SYN2: variants seen among roughly 807,000 people sequenced by gnomAD.
SYN2 encodes the protein synapsin II.
SYN2 carries 19 observed loss-of-function variants against 50.9 expected under a neutral mutation model. That is an observed-to-expected ratio of 0.37 (90% confidence interval 0.26 to 0.55). The LOEUF is 0.55. Ranked by LOEUF, SYN2 falls within the 20% of genes least tolerant of loss-of-function variation. The pLI is 0.81. For missense variants in SYN2, 587 were observed against 576.4 expected (o/e 1.02, Z -0.19); for synonymous variants, 255 against 224.9 (o/e 1.13, Z -1.20).
chr3:12,146,452 G>T (rs548319145), intron 4 of SYN2, among the ~76,000 whole-genome samples: 9 of 152,214 alleles, frequency 5.9e-5, no homozygotes, highest in African/African-American at 2.2e-4. Flanking sequence ...GGAAAGTAAG[G>T]TGTAGAAAAC....
intron 1 of SYN2, among the ~76,000 whole-genome samples, chr3:12,023,252 A>G (rs1465932292): frequency 1.3e-5 from 2 of 152,186 alleles, no homozygotes; most frequent in African/African-American, 4.8e-5. Flanking sequence ...TAGGGAATAC[A>G]GGGATAAAAT....
At chr3:12,037,527 T>C (rs1267052724) in intron 1 of SYN2, among the ~76,000 whole-genome samples, 1 of 152,162 alleles carries the variant, frequency 6.6e-6, no homozygotes, top group African/African-American at 2.4e-5. Context: ...CATCATAACA[T>C]GGAGTAAAAC....
intron 12 of SYN2, among the ~76,000 whole-genome samples, chr3:12,190,273 T>G (rs539197677): frequency 6.6e-6 from 1 of 152,318 alleles, no homozygotes; most frequent in East Asian, 1.9e-4. Context: ...TCCCACACTG[T>G]CCCCACCCTT....
At chr3:12,102,307 AATAAATATT>A (rs1223216191) in intron 1 of SYN2, among the ~76,000 whole-genome samples, 14 of 152,192 alleles carry the variant, frequency 9.2e-5, no homozygotes, top group Admixed American at 7.9e-4. Flanking sequence ...TCTTAAGAAT[AATAAATATT>A]ATTCAGATAT....
chr3:12,094,641 T>C (rs1027298417), intron 1 of SYN2, among the ~76,000 whole-genome samples: 3 of 152,210 alleles, frequency 2.0e-5, no homozygotes, highest in Admixed American at 6.5e-5. Flanking sequence ...TCTGTTGGGT[T>C]CTTGTGAACC....
At chr3:12,021,339 A>G (rs1429262802) in intron 1 of SYN2, among the ~76,000 whole-genome samples, 3 of 152,334 alleles carry the variant, frequency 2.0e-5, no homozygotes, top group East Asian at 1.9e-4. Context: ...TTTGCAGTCT[A>G]TCAACCATTT....
At chr3:12,063,404 A>G (rs1212449581) in intron 1 of SYN2, among the ~76,000 whole-genome samples, 2 of 152,012 alleles carry the variant, frequency 1.3e-5, no homozygotes, top group Admixed American at 1.3e-4. Flanking sequence ...AAACGTAAGA[A>G]CTGTAGTTGA....
chr3:12,161,866 G>C, intron 6 of SYN2, 146 bp from the exon 7 acceptor site: 1 of 1,214,968 alleles, frequency 8.2e-7, no homozygotes, highest in South Asian at 1.6e-5. Flanking sequence ...CTAGGGAGAA[G>C]GGGCCTCCTG....
chr3:12,150,146 T>C (rs1184238991), intron 4 of SYN2, among the ~76,000 whole-genome samples: 2 of 152,222 alleles, frequency 1.3e-5, no homozygotes, highest in Non-Finnish European at 2.9e-5. Context: ...TGTTCTAGCC[T>C]TCCTTTCTCT....
intron 1 of SYN2, among the ~76,000 whole-genome samples, chr3:12,081,105 T>G (rs986522104): frequency 6.6e-6 from 1 of 152,212 alleles, no homozygotes; most frequent in Non-Finnish European, 1.5e-5. Context: ...AACAACAATG[T>G]TTAGTCAAAG....
intron 1 of SYN2, among the ~76,000 whole-genome samples, chr3:12,011,851 A>C (rs2125130829): frequency 6.6e-6 from 1 of 152,380 alleles, no homozygotes; most frequent in East Asian, 1.9e-4. Context: ...TGGAGATAAC[A>C]TTATGTATTT....
intron 1 of SYN2, among the ~76,000 whole-genome samples, chr3:12,043,320 G>A (rs999296270): frequency 2.6e-4 from 39 of 152,210 alleles, no homozygotes; most frequent in Admixed American, 1.8e-3. Flanking sequence ...AACTACTGGT[G>A]CCCAGCTGCT....
At position 12,168,503 on chromosome 3, in the gene SYN2, G is replaced by A. The variant is rs776438037; in HGVS notation, c.1158+25G>A. 4 of 1,594,292 alleles carry A rather than the reference G, an allele frequency of 2.5e-6. No individual in the cohort carries two copies. In the Admixed American group the frequency reaches 6.7e-5, roughly 27 times the overall value. ...GGTAAGTCTGGACCAAGCAGTAAGAGGTAACTCCTAAGGCTTAAGAACTAT... is the reference window on the plus strand; with the variant it reads ...GGTAAGTCTGGACCAAGCAGTAAGAAGTAACTCCTAAGGCTTAAGAACTAT... On this transcript the variant is annotated intron_variant, in intron 9 of 12. Transcript: ENST00000621198.
intron 1 of SYN2, among the ~76,000 whole-genome samples, chr3:12,106,212 A>G (rs931794500): frequency 3.3e-5 from 5 of 152,112 alleles, no homozygotes; most frequent in Non-Finnish European, 5.9e-5. Flanking sequence ...GGCCTTCTCA[A>G]TCTTTAACCC....
intron 1 of SYN2, among the ~76,000 whole-genome samples, chr3:12,065,314 A>C (rs1407213592): frequency 6.6e-6 from 1 of 152,174 alleles, no homozygotes; most frequent in East Asian, 1.9e-4. Flanking sequence ...AAAGAACTTA[A>C]AACAGAACTA....
At chr3:12,096,543 A>AT (rs1056029383) in intron 1 of SYN2, among the ~76,000 whole-genome samples, 2 of 151,954 alleles carry the variant, frequency 1.3e-5, no homozygotes, top group African/African-American at 4.8e-5. Context: ...TTGCTACTAG[A>AT]TTATATTATA....
intron 1 of SYN2, among the ~76,000 whole-genome samples, chr3:12,019,710 T>C (rs1021981678): frequency 2.0e-5 from 3 of 152,220 alleles, no homozygotes; most frequent in African/African-American, 7.2e-5. Flanking sequence ...AGTAAAACTT[T>C]ACAATTTATG....
chr3:12,164,739 G>A (rs1697738774), intron 7 of SYN2, among the ~76,000 whole-genome samples: 1 of 152,144 alleles, frequency 6.6e-6, no homozygotes, highest in South Asian at 2.1e-4. Context: ...ATGGATCTAT[G>A]CCCTGCATCC....
chr3:12,089,677 A>G (rs1487828738), intron 1 of SYN2, among the ~76,000 whole-genome samples: 1 of 152,164 alleles, frequency 6.6e-6, no homozygotes, highest in East Asian at 1.9e-4. Flanking sequence ...AGAATCTAGC[A>G]GGAATAGTTA....
Sources: allele counts gnomAD v4.1 joint callset (sites outside exome capture counted in the v4.1 genomes callset), GRCh38; gene constraint gnomAD v4.1.1; transcripts MANE v1.5; gene names NCBI Gene and HGNC (gene_info 2026-07-23, HGNC 2026-07-21).